The following TLK2 variants were observed in gnomAD, a reference collection of about 807,000 sequenced individuals.
TLK2 encodes serine/threonine-protein kinase tousled-like 2.
A neutral mutation model predicts 117.3 loss-of-function variants in TLK2; 6 were observed. The ratio of observed to expected loss-of-function variants is 0.05; its 90% CI spans 0.03 to 0.10. TLK2 has a LOEUF of 0.10. Among genes scored for constraint, TLK2 ranks in the 10% least tolerant of loss-of-function variants. The pLI is 1.00. For missense variants in TLK2, 299 were observed against 901.2 expected (o/e 0.33, Z 8.56); for synonymous variants, 257 against 316.7 (o/e 0.81, Z 2.00).
chr17:62,576,705 TC>T lies in TLK2; in HGVS notation c.1122-3del, dbSNP rs764447015. On this transcript the variant is annotated splice_polypyrimidine_tract_variant and splice_region_variant and intron_variant, in intron 12 of 21. Transcript: ENST00000346027. ...TTACTGAAACTTTTACCACTGTTTT[TC>T]AGGTTAACGTTAGCAGAATACCATG... The T allele has an allele frequency of 3.1e-6, 5 of 1,611,630 alleles. No homozygotes were observed. The East Asian group carries it at 1.1e-4, about 36-fold the overall frequency.
chr17:62,575,410 G>GT (rs533510473), intron 12 of TLK2, among the ~76,000 whole-genome samples: 344 of 152,244 alleles, frequency 2.3e-3, no homozygotes, highest in Non-Finnish European at 3.9e-3. Flanking sequence ...ATAGATACAG[G>GT]TATTTCTGCA....
chr17:62,515,534 A>G (rs1000439132), intron 2 of TLK2, among the ~76,000 whole-genome samples: 5 of 152,160 alleles, frequency 3.3e-5, no homozygotes, highest in Non-Finnish European at 7.3e-5. Context: ...GGTCACCTCA[A>G]TGGATGTGAG....
At chr17:62,593,788 T>TA (rs1159421838) in intron 16 of TLK2, among the ~76,000 whole-genome samples, 2 of 150,026 alleles carry the variant, frequency 1.3e-5, no homozygotes, top group African/African-American at 4.9e-5. Context: ...TGGTACACTC[T>TA]AAATTTTTTT....
At position 62,558,683 on chromosome 17, in the gene TLK2, A is replaced by C. The variant is rs373341374; in HGVS notation, c.721-1333A>C. Among the ~76,000 whole-genome samples the C allele has an allele frequency of 2.0e-4, 30 of 152,350 alleles. 1 individual carries two copies. Among genetic ancestry groups the C allele is most frequent in the East Asian group, 7.7e-4 (4 of 5,192 alleles). ...ATTCTTTACTATGAATTTGGTAATC[A>C]CACTTACCCAAATGTAGTTACACTC... On this transcript the variant is annotated intron_variant, in intron 9 of 21. Transcript: ENST00000346027.
chr17:62,559,552 A>G (rs1175668575), intron 9 of TLK2, among the ~76,000 whole-genome samples: 1 of 151,684 alleles, frequency 6.6e-6, no homozygotes, highest in Non-Finnish European at 1.5e-5. Flanking sequence ...TAATTTTTTT[A>G]TATTTAGTAG....
rs573745735 is a variant in TLK2, at chr17:62,542,701, T to G, written c.531+6364T>G. ...AAAGAAGAGAGACATTGAATTAGTT[T>G]AGATTGAAACAGTTCTGGTTGTCAA... is the stretch of plus-strand genomic sequence containing the variant. On this transcript the variant is annotated intron_variant, in intron 7 of 21. Coordinates refer to ENST00000346027, the MANE Select transcript of TLK2 (RefSeq NM_006852.6). Among the ~76,000 whole-genome samples the G allele has an allele frequency of 1.4e-3, 215 of 152,360 alleles. 8 individuals are homozygous for G. The South Asian group carries it at 0.042, about 30-fold the overall frequency.
chr17:62,579,463 A>G (rs1385317961), intron 14 of TLK2, among the ~76,000 whole-genome samples: 1 of 152,220 alleles, frequency 6.6e-6, no homozygotes, highest in Non-Finnish European at 1.5e-5. Flanking sequence ...CTACTTTCTT[A>G]AAATCCATGT....
chr17:62,493,981 A>G (rs2073387506), intron 2 of TLK2, among the ~76,000 whole-genome samples: 1 of 152,148 alleles, frequency 6.6e-6, no homozygotes, highest in South Asian at 2.1e-4. Flanking sequence ...ACGCCCAGCC[A>G]TAGGATAGAC....
chr17:62,488,326 T>A (rs775122651), intron 2 of TLK2, among the ~76,000 whole-genome samples: 2 of 152,236 alleles, frequency 1.3e-5, no homozygotes, highest in Non-Finnish European at 2.9e-5. Context: ...TTTAACCAAC[T>A]GATACCTTTC....
intron 7 of TLK2, among the ~76,000 whole-genome samples, chr17:62,536,822 A>C (rs2077145669): frequency 6.6e-6 from 1 of 152,202 alleles, no homozygotes; most frequent in Non-Finnish European, 1.5e-5. Flanking sequence ...TCACCCCTTC[A>C]GAGTGTTGGT....
At chr17:62,519,636 A>G (rs2075891342) in intron 2 of TLK2, among the ~76,000 whole-genome samples, 1 of 152,162 alleles carries the variant, frequency 6.6e-6, no homozygotes, top group South Asian at 2.1e-4. Context: ...CAACATGGCG[A>G]AACAATAATA....
At chr17:62,533,435 T>C (rs2076891888) in intron 6 of TLK2, among the ~76,000 whole-genome samples, 1 of 143,560 alleles carries the variant, frequency 7.0e-6, no homozygotes, top group Admixed American at 6.9e-5. Flanking sequence ...AGACAGGGTC[T>C]TGCTGTGTAG....
chr17:62,568,182 A>C (rs901379416), intron 11 of TLK2, among the ~76,000 whole-genome samples: 2 of 152,124 alleles, frequency 1.3e-5, no homozygotes, highest in African/African-American at 4.8e-5. Context: ...CTGTAATCCC[A>C]GCACTTTGGG....
chr17:62,594,419 A>C (rs892041458), intron 16 of TLK2, among the ~76,000 whole-genome samples: 1 of 152,128 alleles, frequency 6.6e-6, no homozygotes, highest in African/African-American at 2.4e-5. Context: ...AAAACAAAAA[A>C]AGTGCAGTAC....
chr17:62,504,607 C>A (rs1003718197), intron 2 of TLK2, among the ~76,000 whole-genome samples: 4 of 151,988 alleles, frequency 2.6e-5, no homozygotes, highest in African/African-American at 7.3e-5. Context: ...AGTTTGAGAC[C>A]AGCCAGGGCA....
chr17:62,522,475 CTT>C (rs1379068974), intron 4 of TLK2, among the ~76,000 whole-genome samples: 4 of 152,180 alleles, frequency 2.6e-5, no homozygotes, highest in Non-Finnish European at 5.9e-5. Context: ...TTCGGGGACT[CTT>C]TTGTTTTCCC....
At chr17:62,551,698 A>G (rs1169257323) in intron 7 of TLK2, 1 of 143,810 alleles carries the variant, frequency 7.0e-6, no homozygotes, top group East Asian at 2.0e-4. Flanking sequence ...GAGCAAGACT[A>G]CATCTCAAAA....
At position 62,481,106 on chromosome 17, in the gene TLK2, C is replaced by CT. The variant is rs1415734799; in HGVS notation, c.-5-10dup. On this transcript the variant is annotated splice_polypyrimidine_tract_variant and intron_variant, in intron 1 of 21. Coordinates refer to ENST00000346027, the MANE Select transcript of TLK2 (RefSeq NM_006852.6). Reference sequence around the variant, plus strand: ...TTAGTGTTTATGGTTTCACAGCCTACTTTTTCTTTTTCAGCAGAAATGATG... The same window carrying CT: ...TTAGTGTTTATGGTTTCACAGCCTACTTTTTTCTTTTTCAGCAGAAATGATG... 1 of 1,613,316 alleles carries CT rather than the reference C, an allele frequency of 6.2e-7. No individual in the cohort carries two copies. The highest frequency in any genetic ancestry group is 1.7e-4 in the Middle Eastern group (1 of 6,054).
intron 10 of TLK2, among the ~76,000 whole-genome samples, chr17:62,560,477 G>C (rs2146345900): frequency 6.6e-6 from 1 of 152,078 alleles, no homozygotes; most frequent in East Asian, 1.9e-4. Flanking sequence ...TTGCATTTTT[G>C]TTTCAGAGAT....
Sources: allele counts gnomAD v4.1 joint callset (sites outside exome capture counted in the v4.1 genomes callset), GRCh38; gene constraint gnomAD v4.1.1; transcripts MANE v1.5; gene names NCBI Gene and HGNC (gene_info 2026-07-23, HGNC 2026-07-21).